Variants in DIAPH3 observed in about 807,000 individuals in gnomAD.
DIAPH3 encodes the protein protein diaphanous homolog 3.
A neutral mutation model predicts 144.3 loss-of-function variants in DIAPH3; 117 were observed. The ratio of observed to expected loss-of-function variants is 0.81; its 90% CI spans 0.70 to 0.95. The LOEUF (loss-of-function observed/expected upper bound fraction) is 0.95. DIAPH3 is among the 40% of genes least tolerant of loss of function. The probability of loss-of-function intolerance (pLI) is 0.00; values close to 1 mark genes in which losing one functional copy is unlikely to be tolerated. For missense variants in DIAPH3, 1,421 were observed against 1,412.7 expected, an observed-to-expected ratio of 1.01 and a Z score of -0.09; for synonymous variants, 519 against 488.9, an observed-to-expected ratio of 1.06 and a Z score of -0.81.
intron 5 of DIAPH3, among the ~76,000 whole-genome samples, chr13:60,018,728 T>C (rs1003221508): frequency 7.9e-5 from 12 of 152,032 alleles, no homozygotes; most frequent in Admixed American, 7.9e-4. Flanking sequence ...TCAACAACAA[T>C]AAAATGAGAG....
intron 5 of DIAPH3, among the ~76,000 whole-genome samples, chr13:60,023,703 G>C (rs1448733841): frequency 6.6e-6 from 1 of 151,876 alleles, no homozygotes; most frequent in East Asian, 1.9e-4. Flanking sequence ...CAAAGTGCTG[G>C]GATTACAGGC....
chr13:59,939,835 C>T (rs963092922), intron 17 of DIAPH3, among the ~76,000 whole-genome samples: 1 of 146,652 alleles, frequency 6.8e-6, no homozygotes, highest in Non-Finnish European at 1.5e-5. Context: ...GAGAATGAGG[C>T]GTGTGTGTGT....
chr13:59,877,136 A>G (rs1459720684), intron 21 of DIAPH3, among the ~76,000 whole-genome samples: 4 of 152,152 alleles, frequency 2.6e-5, no homozygotes, highest in Non-Finnish European at 4.4e-5. Flanking sequence ...GGTAGCTTCA[A>G]TCATATGCCC....
At chr13:60,149,389 G>A (rs1302540442) in intron 1 of DIAPH3, among the ~76,000 whole-genome samples, 2 of 152,180 alleles carry the variant, frequency 1.3e-5, no homozygotes, top group Admixed American at 1.3e-4. Flanking sequence ...GATCTTAAGC[G>A]AATGCTGTGG....
At chr13:60,145,839 T>C (rs1003398527) in intron 1 of DIAPH3, among the ~76,000 whole-genome samples, 3 of 152,026 alleles carry the variant, frequency 2.0e-5, no homozygotes, top group Non-Finnish European at 4.4e-5. Context: ...CTGGGGTATA[T>C]ACCACAAACC....
At position 60,093,641 on chromosome 13, in the gene DIAPH3, G is replaced by A. The variant is rs1361235499; in HGVS notation, c.482C>T (p.Thr161Ile). The A allele has an allele frequency of 6.2e-7, 1 of 1,607,978 alleles. No homozygotes were observed. Among genetic ancestry groups the A allele is most frequent in the South Asian group, 1.1e-5 (1 of 90,922 alleles). The change falls in exon 4 of 28, where the codon ACT becomes ATT. Residue 161 changes from threonine to isoleucine, a missense_variant. Transcript: ENST00000400324. ...AGTTTTACTTACTGTCTTAGAAGCA[G>A]TATTAATGTACTGCATCACCATTTC... ...KKEMVMQYIN[T>I]ASKTGSLKRS...
chr13:59,904,757 T>C (rs1419440592), intron 20 of DIAPH3, among the ~76,000 whole-genome samples: 1 of 151,764 alleles, frequency 6.6e-6, no homozygotes, highest in Non-Finnish European at 1.5e-5. Flanking sequence ...TAAATAAAAA[T>C]AAAAAGACAA....
intron 27 of DIAPH3, among the ~76,000 whole-genome samples, chr13:59,748,210 C>T (rs577327100): frequency 1.3e-5 from 2 of 152,276 alleles, no homozygotes; most frequent in South Asian, 4.1e-4. Flanking sequence ...CACTCCTCAA[C>T]CTACATTCCA....
chr13:59,675,421 G>A (rs1303990161), intron 27 of DIAPH3, among the ~76,000 whole-genome samples: 1 of 145,556 alleles, frequency 6.9e-6, no homozygotes, highest in African/African-American at 2.6e-5. Context: ...GTCTCGCTCT[G>A]TCGCCCAGGC....
intron 17 of DIAPH3, among the ~76,000 whole-genome samples, chr13:59,941,232 G>A (rs2140382586): frequency 6.6e-6 from 1 of 152,256 alleles, no homozygotes; most frequent in South Asian, 2.1e-4. Flanking sequence ...ACTGAGAATA[G>A]GGCCCTACTA....
At chr13:60,160,329 C>T (rs1364483586) in intron 1 of DIAPH3, among the ~76,000 whole-genome samples, 3 of 152,176 alleles carry the variant, frequency 2.0e-5, no homozygotes, top group East Asian at 1.9e-4. Context: ...AACGATTAGA[C>T]GATTTACACT....
chr13:60,078,233 C>T (rs937127445), intron 4 of DIAPH3, among the ~76,000 whole-genome samples: 6 of 152,150 alleles, frequency 3.9e-5, no homozygotes, highest in African/African-American at 1.2e-4. Flanking sequence ...TATTATATCT[C>T]ACTCAGTGCC....
At chr13:60,158,711 C>G (rs1221119480) in intron 1 of DIAPH3, among the ~76,000 whole-genome samples, 6 of 151,866 alleles carry the variant, frequency 4.0e-5, no homozygotes, top group Non-Finnish European at 8.8e-5. Context: ...AGAGTGGCAG[C>G]CCAAACTCAG....
At chr13:60,088,076 G>A (rs543372548) in intron 4 of DIAPH3, among the ~76,000 whole-genome samples, 4 of 152,220 alleles carry the variant, frequency 2.6e-5, no homozygotes, top group East Asian at 1.9e-4. Context: ...TAAGGGGTGG[G>A]GCACGGGGGA....
intron 4 of DIAPH3, among the ~76,000 whole-genome samples, chr13:60,048,983 T>A (rs915567825): frequency 1.3e-5 from 2 of 152,230 alleles, no homozygotes. Context: ...AAATCTACGA[T>A]GTATGGAATA....
intron 12 of DIAPH3, among the ~76,000 whole-genome samples, chr13:59,987,905 C>T (rs1306312987): frequency 6.6e-6 from 1 of 151,668 alleles, no homozygotes; most frequent in Non-Finnish European, 1.5e-5. Flanking sequence ...AGGTTGGGTA[C>T]TATTCTAATG....
At position 60,072,553 on chromosome 13, in the gene DIAPH3, T is replaced by C. The variant is rs576308959; in HGVS notation, c.495+21075A>G. Among the ~76,000 whole-genome samples, 11 of 152,252 alleles carry C rather than the reference T, an allele frequency of 7.2e-5. No individual in the cohort carries two copies. In the South Asian group the frequency reaches 2.3e-3, roughly 32 times the overall value. On this transcript the variant is annotated intron_variant, in intron 4 of 27. Coordinates refer to ENST00000400324, the MANE Select transcript of DIAPH3 (RefSeq NM_001042517.2). Reference sequence around the variant, plus strand: ...TATATATGAACATTAAAATTTTCCTTGAAATGGAAAATTGGATAGTACCAA... The same window carrying C: ...TATATATGAACATTAAAATTTTCCTCGAAATGGAAAATTGGATAGTACCAA...
At chr13:59,701,499 T>C (rs928619864) in intron 27 of DIAPH3, among the ~76,000 whole-genome samples, 1 of 152,224 alleles carries the variant, frequency 6.6e-6, no homozygotes, top group South Asian at 2.1e-4. Context: ...AGTGTGTCTT[T>C]ATCTCTCTGT....
chr13:59,959,193 G>T (rs1196668432), intron 17 of DIAPH3, among the ~76,000 whole-genome samples: 2 of 152,092 alleles, frequency 1.3e-5, no homozygotes, highest in African/African-American at 4.8e-5. Context: ...AACCTTTTGT[G>T]AATAGAATAA....
Sources: allele counts gnomAD v4.1 joint callset (sites outside exome capture counted in the v4.1 genomes callset), GRCh38; gene constraint gnomAD v4.1.1; transcripts MANE v1.5; gene names NCBI Gene and HGNC (gene_info 2026-07-23, HGNC 2026-07-21).